KCNJ12: variants seen among roughly 807,000 people sequenced by gnomAD.
The protein encoded by KCNJ12 is ATP-sensitive inward rectifier potassium channel 12.
A neutral mutation model predicts 22.3 loss-of-function variants in KCNJ12; 2 were observed. That is an observed-to-expected ratio of 0.09 (90% confidence interval 0.04 to 0.28). The LOEUF is 0.28. Ranked by LOEUF, KCNJ12 falls within the 10% of genes least tolerant of loss-of-function variation. The probability of loss-of-function intolerance (pLI) is 1.00; values close to 1 mark genes in which losing one functional copy is unlikely to be tolerated. For missense variants in KCNJ12, 155 were observed against 633.3 expected, an observed-to-expected ratio of 0.24 and a Z score of 8.11; for synonymous variants, 117 against 261.4, an observed-to-expected ratio of 0.45 and a Z score of 5.33.
chr17:21,378,784 T>C (rs1373773249), intron 1 of KCNJ12, among the ~76,000 whole-genome samples: 6 of 151,902 alleles, frequency 3.9e-5, no homozygotes, highest in Non-Finnish European at 8.8e-5. Flanking sequence ...GGTGGAGCCT[T>C]CTCTGGGAGG....
At chr17:21,398,698 A>C (rs1379617679) in intron 1 of KCNJ12, among the ~76,000 whole-genome samples, 1 of 152,180 alleles carries the variant, frequency 6.6e-6, no homozygotes, top group Non-Finnish European at 1.5e-5. Context: ...TCCTTGACTC[A>C]AGATCTGTTT....
intron 2 of KCNJ12, among the ~76,000 whole-genome samples, chr17:21,409,159 A>C (rs1906165762): frequency 6.6e-6 from 1 of 152,428 alleles, no homozygotes; most frequent in East Asian, 1.9e-4. Context: ...GGCAAGATCA[A>C]CTCTCACACA....
chr17:21,393,694 CACTT>C (rs1159891604), intron 1 of KCNJ12, among the ~76,000 whole-genome samples: 37 of 152,204 alleles, frequency 2.4e-4, no homozygotes, highest in African/African-American at 8.7e-4. Context: ...GGAATTGTCT[CACTT>C]AGTCCCCTCA....
intron 1 of KCNJ12, among the ~76,000 whole-genome samples, chr17:21,402,023 G>A (rs1444930526): frequency 7.2e-5 from 11 of 152,254 alleles, no homozygotes; most frequent in Non-Finnish European, 1.3e-4. Context: ...TCGACGAAGA[G>A]GTGCTCCCAT....
At position 21,409,088 on chromosome 17, in the gene KCNJ12, C is replaced by T. The variant is rs1906161681; in HGVS notation, c.-57+448C>T. Among the ~76,000 whole-genome samples the T allele has an allele frequency of 2.0e-5, 3 of 152,416 alleles. No individual in the cohort carries two copies. In the South Asian group the frequency reaches 6.2e-4, roughly 32 times the overall value. On this transcript the variant is annotated intron_variant, in intron 2 of 2. Coordinates refer to ENST00000583088, the MANE Select transcript of KCNJ12 (RefSeq NM_021012.5). ...GCTGGAGCGCATTTCCTGGGTGCCC[C>T]TCTTTGCTATACCTGCATCAGCCTC...
chr17:21,402,108 C>G (rs12947357), intron 1 of KCNJ12, among the ~76,000 whole-genome samples: 24 of 152,416 alleles, frequency 1.6e-4, no homozygotes, highest in Non-Finnish European at 3.4e-4. Flanking sequence ...CGCCATCCAT[C>G]TGCTGTCCCT....
chr17:21,394,660 G>A (rs1033461491), intron 1 of KCNJ12, among the ~76,000 whole-genome samples: 1 of 152,170 alleles, frequency 6.6e-6, no homozygotes, highest in Admixed American at 6.5e-5. Flanking sequence ...AATTAGGACT[G>A]GAGGCTCAAC....
intron 2 of KCNJ12, among the ~76,000 whole-genome samples, chr17:21,413,761 C>T (rs2142077572): frequency 6.6e-6 from 1 of 152,426 alleles, no homozygotes; most frequent in Admixed American, 6.5e-5. Flanking sequence ...TGAGAGCAGG[C>T]TTTGTTCTGG....
At position 21,418,830 on chromosome 17, in the gene KCNJ12, T is replaced by C; in HGVS notation, c.*2186T>C. 6.0e-6 allele frequency: 1 copy of C among 167,242 alleles called. No homozygotes were observed. The highest frequency in any genetic ancestry group is 1.5e-5 in the Non-Finnish European group (1 of 68,340). 10.4% of individuals were successfully genotyped at this position (167,242 alleles called of 1,614,324 possible). A position where few individuals can be genotyped will look rare whatever the true frequency, so the allele number is the denominator to read the frequency against. ...TGCTGAGGGACAGTGGTGACCCTGG[T>C]CACTTGGTGCTGGTGTAGGGGCCTG... On this transcript the variant is annotated 3_prime_UTR_variant, in exon 3 of 3. Transcript: ENST00000583088.
At chr17:21,398,091 A>ATGTGTGTGTG (rs58836229) in intron 1 of KCNJ12, among the ~76,000 whole-genome samples, 1 of 146,836 alleles carries the variant, frequency 6.8e-6, no homozygotes, top group East Asian at 2.0e-4. Context: ...ACGTGTGTGT[A>ATGTGTGTGTG]TGTGTGTGTG....
chr17:21,382,816 TG>T (rs1320776927), intron 1 of KCNJ12, among the ~76,000 whole-genome samples: 1 of 151,174 alleles, frequency 6.6e-6, no homozygotes, highest in African/African-American at 2.4e-5. Context: ...ACCTGGGGAG[TG>T]GGGGCAGAAA....
At position 21,377,246 on chromosome 17, in the gene KCNJ12, G is replaced by A. The variant is rs527644555; in HGVS notation, c.-179+333G>A. Among the ~76,000 whole-genome samples, 9 of 152,202 alleles carry A rather than the reference G, an allele frequency of 5.9e-5. No homozygotes were observed. In the South Asian group the frequency reaches 1.0e-3, roughly 18 times the overall value. ...CCCTCTGACTGGTTTGCACTAGGGGGCTCGGGAGGGAGCGTGCGGAAGCAC... is the reference window on the plus strand; with the variant it reads ...CCCTCTGACTGGTTTGCACTAGGGGACTCGGGAGGGAGCGTGCGGAAGCAC... On this transcript the variant is annotated intron_variant, in intron 1 of 2. Transcript: ENST00000583088.
chr17:21,411,220 G>A (rs1364759131), intron 2 of KCNJ12, among the ~76,000 whole-genome samples: 24 of 152,414 alleles, frequency 1.6e-4, no homozygotes, highest in Admixed American at 7.2e-4. Context: ...AGCACCTCCC[G>A]GTGACTCCTG....
intron 1 of KCNJ12, among the ~76,000 whole-genome samples, chr17:21,395,948 G>C (rs1223938087): frequency 6.6e-6 from 1 of 152,236 alleles, no homozygotes; most frequent in Non-Finnish European, 1.5e-5. Flanking sequence ...TGCCTGCCCT[G>C]CTGTGTGGCT....
chr17:21,378,323 T>G (rs1904740235), intron 1 of KCNJ12, among the ~76,000 whole-genome samples: 1 of 152,222 alleles, frequency 6.6e-6, no homozygotes, highest in Admixed American at 6.5e-5. Context: ...TCGCTCTTTT[T>G]GAGGGGTACT....
At chr17:21,412,182 A>G (rs1369177745) in intron 2 of KCNJ12, among the ~76,000 whole-genome samples, 1 of 152,294 alleles carries the variant, frequency 6.6e-6, no homozygotes. Flanking sequence ...GGAGTGGGGC[A>G]TGAACTTGAC....
Position 21,414,750 on chromosome 17 carries a change from CA to C in KCNJ12, c.-56-536del, listed in dbSNP as rs1225457612. 1.1e-4 allele frequency among the ~76,000 whole-genome samples: 16 copies of C among 152,328 alleles called. No individual in the cohort carries two copies. In the South Asian group the frequency reaches 3.1e-3, roughly 30 times the overall value. The stretch of plus-strand genomic sequence containing the variant: ...GTGGGTTTGAGGGACAGCCTGGGGC[CA>C]GGGGCTGTGGCCGGAAGGGGAGTCC... On this transcript the variant is annotated intron_variant, in intron 2 of 2. Transcript: ENST00000583088.
rs111502868 is a variant in KCNJ12, at chr17:21,379,342, G to A, written c.-179+2429G>A. 5.9e-5 allele frequency among the ~76,000 whole-genome samples: 9 copies of A among 152,276 alleles called. No individual in the cohort carries two copies. In the East Asian group the frequency reaches 1.2e-3, roughly 20 times the overall value. ...ACTGTCATCAACCTCTGTGGCCCTC[G>A]CCAGGTCCCCAGGCAGAAGGCTACT... is the stretch of plus-strand genomic sequence containing the variant. On this transcript the variant is annotated intron_variant, in intron 1 of 2. Coordinates refer to ENST00000583088, the MANE Select transcript of KCNJ12 (RefSeq NM_021012.5).
At chr17:21,387,504 C>T (rs1021687962) in intron 1 of KCNJ12, among the ~76,000 whole-genome samples, 2 of 149,364 alleles carry the variant, frequency 1.3e-5, no homozygotes, top group Non-Finnish European at 3.0e-5. Flanking sequence ...TTGGAGACAT[C>T]GAGCGCTGGG....
Sources: allele counts gnomAD v4.1 joint callset (sites outside exome capture counted in the v4.1 genomes callset), GRCh38; gene constraint gnomAD v4.1.1; transcripts MANE v1.5; gene names NCBI Gene and HGNC (gene_info 2026-07-23, HGNC 2026-07-21).